Variants in WNK1 observed in about 807,000 individuals in gnomAD.
The protein encoded by WNK1 is serine/threonine-protein kinase WNK1.
A neutral mutation model predicts 222.8 loss-of-function variants in WNK1; 38 were observed. The ratio of observed to expected loss-of-function variants is 0.17; its 90% CI spans 0.13 to 0.22. The LOEUF is 0.22. Ranked by LOEUF, WNK1 falls within the 10% of genes least tolerant of loss-of-function variation. The pLI is 1.00. For synonymous variants in WNK1, 1,090 were observed against 1,092.9 expected (o/e 1.00, Z 0.05); for missense variants, 2,348 against 2,918.4 (o/e 0.80, Z 4.50).
intron 4 of WNK1, among the ~76,000 whole-genome samples, chr12:832,120 G>A (rs1349551563): frequency 6.6e-6 from 1 of 152,030 alleles, no homozygotes; most frequent in African/African-American, 2.4e-5. Flanking sequence ...CTGTCGCCCA[G>A]GCTGGAGTGC....
At chr12:907,826 G>A (rs371512173) in intron 26 of WNK1, 21 bp from the exon 27 acceptor site, 65 of 1,612,504 alleles carry the variant, frequency 4.0e-5, no homozygotes, top group Admixed American at 3.3e-5. Context: ...TTTAATGCTC[G>A]TATTCTGTTG....
intron 16 of WNK1, 28 bp from the exon 17 acceptor site, chr12:883,746 T>C: frequency 1.2e-6 from 2 of 1,613,716 alleles, no homozygotes; most frequent in Non-Finnish European, 1.7e-6. Context: ...CATTTGAGAA[T>C]GTATTTAATC....
At position 897,554 on chromosome 12, in the gene WNK1, G is replaced by A. The variant is rs764198792; in HGVS notation, c.6321G>A (p.Lys2107=). Residue 2107 remains lysine (K), a synonymous_variant, in exon 25 of 28, where the codon AAG becomes AAA. Transcript: ENST00000315939. ...EIESLYTKLG[K]VPPAVIIPPA... ...AATCTTTGTATACCAAACTGGGCAA[G>A]GTGCCCCCTGCTGTTATTATTCCCC... The A allele has an allele frequency of 1.2e-6, 2 of 1,613,830 alleles. No individual in the cohort carries two copies. Among genetic ancestry groups the A allele is most frequent in the Non-Finnish European group, 1.7e-6 (2 of 1,179,684 alleles).
Position 887,203 on chromosome 12 carries a change from T to C in WNK1, c.5281-18T>C, listed in dbSNP as rs758040887. 4 of 1,613,776 alleles carry C rather than the reference T, an allele frequency of 2.5e-6. No individual in the cohort carries two copies. The African/African-American group carries it at 4.0e-5, about 16-fold the overall frequency. ...ATTTAGCGTCTCACGGACTTGATTT[T>C]CCCTTTGTTGTCTGTAGGTGCTGCC... On this transcript the variant is annotated intron_variant, in intron 19 of 27. Coordinates refer to ENST00000315939, the MANE Select transcript of WNK1 (RefSeq NM_018979.4).
At position 789,871 on chromosome 12, in the gene WNK1, G is replaced by T. The variant is rs997499779; in HGVS notation, c.760-23771G>T. 2.0e-5 allele frequency among the ~76,000 whole-genome samples: 3 copies of T among 152,146 alleles called. No individual in the cohort carries two copies. The East Asian group carries it at 5.8e-4, about 29-fold the overall frequency. Reference sequence around the variant, plus strand: ...ATTTTCAGCCATCACATGCATCCTGGATAGCATTCAGCAGCAGAAGCAGCA... The same window carrying T: ...ATTTTCAGCCATCACATGCATCCTGTATAGCATTCAGCAGCAGAAGCAGCA... On this transcript the variant is annotated intron_variant, in intron 1 of 27. Coordinates refer to ENST00000315939, the MANE Select transcript of WNK1 (RefSeq NM_018979.4).
In WNK1 at chr12:910,161, C is replaced by CT; in HGVS notation, c.*1370dup. 6.6e-6 allele frequency: 1 copy of CT among 152,404 alleles called. No individual in the cohort carries two copies. The highest frequency in any genetic ancestry group is 1.9e-4 in the East Asian group (1 of 5,192). The allele number at this position is 152,404 out of a possible 1,614,324, so 9.4% of individuals were successfully genotyped here. On this transcript the variant is annotated 3_prime_UTR_variant, in exon 28 of 28. Transcript: ENST00000315939. ...GGGGCTAGTTTTCAAGTTGGGGAAC[C>CT]TGATAGTGAAAAGTCACAGATGGAG...
Position 861,203 on chromosome 12 carries a change from A to G in WNK1, c.1811A>G (p.Lys604Arg), listed in dbSNP as rs764368160. Residue 604 changes from lysine (K) to arginine (R), a missense_variant, in exon 7 of 28, where the codon AAG becomes AGG. Lys to Arg is a conservative substitution (Grantham distance 26). Transcript: ENST00000315939. ...TCCAGTGCTTCCCAGACAGGAATCA[A>G]GCAGCTCCCTTCTGCTAGCACCGGC... ...EQSSASQTGI[K>R]QLPSASTGIP... 1.5e-5 allele frequency: 25 copies of G among 1,613,996 alleles called. No individual in the cohort carries two copies. The highest frequency in any genetic ancestry group is 1.2e-4 in the African/African-American group (9 of 74,912).
At chr12:824,957 A>G (rs1405245109) in intron 2 of WNK1, among the ~76,000 whole-genome samples, 1 of 152,174 alleles carries the variant, frequency 6.6e-6, no homozygotes, top group Non-Finnish European at 1.5e-5. Flanking sequence ...TAAATTGTAA[A>G]ATAAAATAAT....
chr12:877,961 T>C (rs1021402528), intron 9 of WNK1: 2 of 512,244 alleles, frequency 3.9e-6, no homozygotes, highest in Non-Finnish European at 7.1e-6. Flanking sequence ...GTGAGGGAGA[T>C]AATTGGGTGA....
intron 9 of WNK1, among the ~76,000 whole-genome samples, chr12:874,122 C>T (rs1952405523): frequency 6.6e-6 from 1 of 151,876 alleles, no homozygotes; most frequent in Non-Finnish European, 1.5e-5. Context: ...TGCCACCATA[C>T]TCCAGCCTGG....
chr12:892,124 G>A (rs1430898118), intron 22 of WNK1, among the ~76,000 whole-genome samples: 6 of 146,598 alleles, frequency 4.1e-5, no homozygotes, highest in Admixed American at 2.8e-4. Flanking sequence ...TGTGCACAAC[G>A]TGCAGGTTTG....
chr12:815,363 T>C (rs1480324632), intron 2 of WNK1, among the ~76,000 whole-genome samples: 1 of 152,222 alleles, frequency 6.6e-6, no homozygotes, highest in Non-Finnish European at 1.5e-5. Flanking sequence ...TTCCAGATCA[T>C]TGGAATACAG....
intron 4 of WNK1, among the ~76,000 whole-genome samples, chr12:830,566 GATTT>G (rs1368070252): frequency 6.6e-6 from 1 of 152,094 alleles, no homozygotes; most frequent in African/African-American, 2.4e-5. Flanking sequence ...GACTTGAGTT[GATTT>G]ATTAAATCTT....
chr12:901,607 T>C (rs1457502078), intron 26 of WNK1: 33 of 1,289,044 alleles, frequency 2.6e-5, no homozygotes, highest in Non-Finnish European at 3.2e-5. Flanking sequence ...CATTCAAACC[T>C]GGTGGCAGGA....
At position 904,380 on chromosome 12, in the gene WNK1, G is replaced by C. The variant is rs1014134120; in HGVS notation, c.6644-3467G>C. On this transcript the variant is annotated intron_variant, in intron 26 of 27. Transcript: ENST00000315939. ...TTCTCTTGCTGGGCGTTTGTGTGCT[G>C]TTTGGAGATTCTAAATATTTTACAC... 2.1e-5 allele frequency: 25 copies of C among 1,213,226 alleles called. No homozygotes were observed. The African/African-American group carries it at 3.9e-4, about 19-fold the overall frequency. 75.2% of individuals were successfully genotyped at this position (1,213,226 alleles called of 1,614,324 possible).
At chr12:873,352 A>G (rs11064580) in intron 9 of WNK1, among the ~76,000 whole-genome samples, 64,937 of 151,988 alleles carry the variant, frequency 0.43, 14,234 homozygotes, top group East Asian at 0.53. Context: ...AGATTAAAAG[A>G]ATTAGGTAGC....
intron 1 of WNK1, among the ~76,000 whole-genome samples, chr12:788,431 A>G (rs1424980252): frequency 6.6e-6 from 1 of 152,204 alleles, no homozygotes; most frequent in Non-Finnish European, 1.5e-5. Context: ...CAACTTATGC[A>G]CTAATGGACC....
chr12:900,633 T>C lies in WNK1; in HGVS notation c.6606T>C (p.Gly2202=). 6.2e-7 allele frequency: 1 copy of C among 1,614,210 alleles called. No individual in the cohort carries two copies. Among genetic ancestry groups the C allele is most frequent in the Non-Finnish European group, 8.5e-7 (1 of 1,180,032 alleles). ...TCTATTCAGCCTTCACCAGTGATGG[T>C]GCCATTTCAGTACCAAGCCTTTCTG... ...DNLYSAFTSD[G]AISVPSLSAP... is the part of the protein sequence containing the mutation. The change falls in exon 26 of 28, where the codon GGT becomes GGC. Residue 2202 remains glycine, a synonymous_variant. Transcript: ENST00000315939.
intron 22 of WNK1, among the ~76,000 whole-genome samples, chr12:892,416 C>T (rs1341900855): frequency 6.6e-6 from 1 of 152,138 alleles, no homozygotes; most frequent in East Asian, 1.9e-4. Context: ...TTTACAAAAA[C>T]AGGCAGTAGG....
Sources: gnomAD v4.1 joint callset for allele counts (sites outside exome capture counted in the v4.1 genomes callset) on GRCh38, gnomAD v4.1.1 for gene constraint, MANE v1.5 for transcripts, NCBI Gene and HGNC (gene_info 2026-07-23, HGNC 2026-07-21) for gene names.